Variants in CCNJL observed in about 807,000 individuals in gnomAD.
CCNJL encodes the protein cyclin-J-like protein.
In CCNJL, 33 loss-of-function variants were observed where a neutral mutation model predicts 33.4. The ratio of observed to expected loss-of-function variants is 0.99; its 90% CI spans 0.75 to 1.32. CCNJL has a LOEUF of 1.32. Among genes scored for constraint, CCNJL ranks in the 40% most tolerant of loss-of-function variants. The pLI is 0.00. For synonymous variants in CCNJL, 227 were observed against 220.9 expected, an observed-to-expected ratio of 1.03 and a Z score of -0.24; for missense variants, 512 against 499.7, an observed-to-expected ratio of 1.02 and a Z score of -0.23.
At chr5:160,311,544 C>G (rs751032198) in intron 2 of CCNJL, among the ~76,000 whole-genome samples, 5 of 152,166 alleles carry the variant, frequency 3.3e-5, no homozygotes, top group Non-Finnish European at 5.9e-5. Context: ...GACCCCTTCA[C>G]GTACGGTTTA....
intron 4 of CCNJL, among the ~76,000 whole-genome samples, chr5:160,256,394 A>G (rs1180711685): frequency 1.3e-5 from 2 of 152,196 alleles, no homozygotes; most frequent in Non-Finnish European, 2.9e-5. Flanking sequence ...AATTGTAACA[A>G]TGCCTGGCCC....
intron 2 of CCNJL, among the ~76,000 whole-genome samples, chr5:160,296,863 C>T (rs1312059223): frequency 2.6e-5 from 4 of 152,208 alleles, no homozygotes; most frequent in East Asian, 1.9e-4. Flanking sequence ...TTTAAGACTT[C>T]CTTGGGCAAC....
At chr5:160,326,990 G>A in intron 1 of CCNJL, 1 of 549,744 alleles carries the variant, frequency 1.8e-6, no homozygotes, top group Non-Finnish European at 3.5e-6. Flanking sequence ...ACAATGAAGT[G>A]AGAAATTGTT....
chr5:160,329,488 C>T (rs973551454), intron 1 of CCNJL, among the ~76,000 whole-genome samples: 2 of 151,870 alleles, frequency 1.3e-5, no homozygotes, highest in African/African-American at 2.4e-5. Flanking sequence ...GTAGCTGGCA[C>T]TACAGGCGCC....
At chr5:160,302,884 C>G (rs1456205343) in intron 2 of CCNJL, among the ~76,000 whole-genome samples, 1 of 151,838 alleles carries the variant, frequency 6.6e-6, no homozygotes, top group Non-Finnish European at 1.5e-5. Flanking sequence ...GTGTGTAATT[C>G]ATACTACCTC....
At chr5:160,322,110 A>G (rs1279538541) in intron 1 of CCNJL, among the ~76,000 whole-genome samples, 1 of 152,184 alleles carries the variant, frequency 6.6e-6, no homozygotes, top group Non-Finnish European at 1.5e-5. Context: ...ACAGGAGCCT[A>G]TAGGATCTGC....
chr5:160,280,353 G>A (rs191822595), intron 3 of CCNJL, among the ~76,000 whole-genome samples, 172 bp downstream of exon 3: 1 of 152,336 alleles, frequency 6.6e-6, no homozygotes, highest in Non-Finnish European at 1.5e-5. Flanking sequence ...GTACATTAAA[G>A]ATGCTAAAAA....
At chr5:160,265,511 G>A (rs577830229) in intron 3 of CCNJL, among the ~76,000 whole-genome samples, 63 of 152,178 alleles carry the variant, frequency 4.1e-4, no homozygotes, top group East Asian at 3.3e-3. Flanking sequence ...GGTAGTGTGC[G>A]CCTGTAGTCC....
intron 2 of CCNJL, among the ~76,000 whole-genome samples, chr5:160,284,048 C>G (rs189782768): frequency 6.6e-6 from 1 of 152,118 alleles, no homozygotes; most frequent in African/African-American, 2.4e-5. Flanking sequence ...TGCTTGACTG[C>G]ACGTTAAAAA....
At chr5:160,268,087 G>A (rs1267743971) in intron 3 of CCNJL, among the ~76,000 whole-genome samples, 2 of 152,182 alleles carry the variant, frequency 1.3e-5, no homozygotes, top group African/African-American at 4.8e-5. Flanking sequence ...TTGACTTCTT[G>A]CAGTTATTGA....
At chr5:160,274,288 G>A (rs960346950) in intron 3 of CCNJL, among the ~76,000 whole-genome samples, 1 of 151,798 alleles carries the variant, frequency 6.6e-6, no homozygotes, top group Non-Finnish European at 1.5e-5. Context: ...GTGAAACCCC[G>A]TTTCTACTAA....
rs115072623 is a variant in CCNJL at position 160,331,524 on chromosome 5, C to T, written n.206+7921G>A. The stretch of plus-strand genomic sequence containing the variant: ...CAGGCGTGAGCCACCGTGCCCAGCC[C>T]GAAGCCCTGGATCTTATCTCCTCTC... On this transcript the variant is annotated intron_variant and non_coding_transcript_variant, in intron 1 of 7. Transcript: ENST00000377503. Among the ~76,000 whole-genome samples, 935 of 152,200 alleles carry T rather than the reference C, an allele frequency of 6.1e-3. 8 individuals carry two copies. Among genetic ancestry groups the T allele is most frequent in the African/African-American group, 0.021 (856 of 41,516 alleles).
At chr5:160,253,824 A>T in intron 5 of CCNJL, 26 bp from the exon 6 acceptor site, 1 of 1,488,838 alleles carries the variant, frequency 6.7e-7, no homozygotes, top group Non-Finnish European at 8.9e-7. Context: ...CTGGGTGAGA[A>T]CTGGAGGCCA....
chr5:160,264,290 G>C (rs1343751759), intron 3 of CCNJL, among the ~76,000 whole-genome samples: 2 of 152,114 alleles, frequency 1.3e-5, no homozygotes, highest in Non-Finnish European at 2.9e-5. Flanking sequence ...CTGGCTCTCG[G>C]AGGCTAGGCA....
At chr5:160,298,778 T>G (rs1029233939) in intron 2 of CCNJL, among the ~76,000 whole-genome samples, 1 of 152,096 alleles carries the variant, frequency 6.6e-6, no homozygotes, top group Admixed American at 6.5e-5. Flanking sequence ...GCGAAGTGTA[T>G]AAACCAATCT....
intron 3 of CCNJL, among the ~76,000 whole-genome samples, chr5:160,276,994 T>C (rs971126620): frequency 2.6e-5 from 4 of 152,144 alleles, no homozygotes; most frequent in Non-Finnish European, 4.4e-5. Flanking sequence ...GGTTTCTCCA[T>C]GTTGGCCAGG....
chr5:160,292,220 C>T (rs373597304), intron 2 of CCNJL, among the ~76,000 whole-genome samples: 32 of 152,098 alleles, frequency 2.1e-4, no homozygotes, highest in Non-Finnish European at 3.1e-4. Flanking sequence ...CATACCTTCC[C>T]GCAAGTCTTC....
chr5:160,331,682 C>T (rs547172320), intron 1 of CCNJL, among the ~76,000 whole-genome samples: 37 of 152,344 alleles, frequency 2.4e-4, no homozygotes, highest in African/African-American at 8.9e-4. Flanking sequence ...GGTCAACCTT[C>T]AACCCAGGTT....
chr5:160,250,826 AAATAT>A lies in CCNJL; in HGVS notation c.*2547_*2551del, dbSNP rs1410802899. The A allele has an allele frequency of 6.6e-6, 1 of 152,222 alleles. No homozygotes were observed. The highest frequency in any genetic ancestry group is 1.5e-5 in the Non-Finnish European group (1 of 68,036). 9.4% of individuals were successfully genotyped at this position (152,222 alleles called of 1,614,324 possible). On this transcript the variant is annotated 3_prime_UTR_variant, in exon 6 of 6. Transcript: ENST00000257536. ...CAAAAAGCTGATCTTATGCTTGAAG[AAATAT>A]AATAATTATCTCCTTTTTTGGAGGT... is the stretch of plus-strand genomic sequence containing the variant.
Sources: gnomAD v4.1 joint callset for allele counts (sites outside exome capture counted in the v4.1 genomes callset) on GRCh38, gnomAD v4.1.1 for gene constraint, MANE v1.5 for transcripts, NCBI Gene and HGNC (gene_info 2026-07-23, HGNC 2026-07-21) for gene names.